POU2F2: variants seen among roughly 807,000 people sequenced by gnomAD.
POU2F2 encodes the protein POU domain, class 2, transcription factor 2.
In POU2F2, 14 loss-of-function variants were observed where a neutral mutation model predicts 63.5. The observed-to-expected ratio is 0.22, with a 90% CI of 0.15 to 0.34. The LOEUF (loss-of-function observed/expected upper bound fraction) is 0.34, where lower values mean the gene tolerates loss of function less well. Ranked by LOEUF, POU2F2 falls within the 10% of genes least tolerant of loss-of-function variation. POU2F2 has a pLI of 1.00. For synonymous variants in POU2F2, 306 were observed against 348.6 expected (o/e 0.88, Z 1.36); for missense variants, 607 against 815.2 (o/e 0.74, Z 3.11).
upstream of POU2F2, among the ~76,000 whole-genome samples, chr19:42,179,028 C>G (rs996412692): frequency 1.3e-5 from 2 of 151,378 alleles, no homozygotes; most frequent in Non-Finnish European, 2.9e-5. Flanking sequence ...CAGAGAGATG[C>G]GAGACAGAGA....
At chr19:42,177,829 G>GA (rs927352722), upstream of POU2F2, among the ~76,000 whole-genome samples, 1 of 151,888 alleles carries the variant, frequency 6.6e-6, no homozygotes, top group Non-Finnish European at 1.5e-5. Flanking sequence ...TAGAGACAGA[G>GA]AAAAAAGAGA....
At position 42,091,323 on chromosome 19, in the gene POU2F2, G is replaced by GC; in HGVS notation, c.1808dup (p.Cys603TrpfsTer22). 6.5e-7 allele frequency: 1 copy of GC among 1,535,154 alleles called. No homozygotes were observed. The highest frequency in any genetic ancestry group is 8.7e-7 in the Non-Finnish European group (1 of 1,146,800). ...CAGGGGTCTGTGCTGCCGTCTCGCT[G>GC]CAAGTGGAGGAGGAGGAGGATGAGG... On this transcript the variant is annotated frameshift_variant, in exon 15 of 15. Coordinates refer to ENST00000692977, the MANE Select transcript of POU2F2 (RefSeq NM_001394376.1). LOFTEE classifies it high-confidence loss of function.
At chr19:42,129,108 C>T (rs1283011551) in intron 1 of POU2F2, among the ~76,000 whole-genome samples, 1 of 152,112 alleles carries the variant, frequency 6.6e-6, no homozygotes, top group Non-Finnish European at 1.5e-5. Context: ...GCTGGGATTA[C>T]AGGCATGAGC....
At chr19:42,108,946 A>G (rs979156722) in intron 5 of POU2F2, among the ~76,000 whole-genome samples, 1 of 152,240 alleles carries the variant, frequency 6.6e-6, no homozygotes, top group Non-Finnish European at 1.5e-5. Context: ...TCACCCTCCC[A>G]GTGCAGGAGC....
chr19:42,128,109 C>G (rs1437427567), intron 1 of POU2F2, among the ~76,000 whole-genome samples: 1 of 152,110 alleles, frequency 6.6e-6, no homozygotes, highest in Admixed American at 6.5e-5. Flanking sequence ...TGTGCTCCAC[C>G]ACATCCTGAT....
upstream of POU2F2, among the ~76,000 whole-genome samples, chr19:42,177,542 C>T (rs764271358): frequency 8.6e-5 from 13 of 150,688 alleles, no homozygotes; most frequent in Admixed American, 5.3e-4. Flanking sequence ...GAGATGCAGA[C>T]ATATGCAGAA....
At chr19:42,142,517 T>C (rs1175570557) in intron 2 of POU2F2, among the ~76,000 whole-genome samples, 2 of 150,238 alleles carry the variant, frequency 1.3e-5, no homozygotes, top group Non-Finnish European at 3.0e-5. Flanking sequence ...AATGAGATTG[T>C]ACTTGTTTTT....
intron 12 of POU2F2, 142 bp downstream of exon 12, chr19:42,093,687 C>T: frequency 1.3e-6 from 1 of 775,576 alleles, no homozygotes; most frequent in Non-Finnish European, 2.1e-6. Context: ...ACCCTCTTCC[C>T]ACTGTCTCTC....
At chr19:42,122,665 T>C in intron 1 of POU2F2, 89 bp from the exon 2 acceptor site, 1 of 1,162,754 alleles carries the variant, frequency 8.6e-7, no homozygotes, top group Non-Finnish European at 1.2e-6. Context: ...CCCCAAGCCT[T>C]TCCCCCAAAT....
chr19:42,145,101 G>C (rs2034203987), intron 2 of POU2F2, among the ~76,000 whole-genome samples: 2 of 152,198 alleles, frequency 1.3e-5, no homozygotes, highest in South Asian at 4.1e-4. Context: ...CTTTATAGTT[G>C]AATGACACTG....
At chr19:42,133,739 A>G (rs1411011080), upstream of POU2F2, among the ~76,000 whole-genome samples, 1 of 151,142 alleles carries the variant, frequency 6.6e-6, no homozygotes, top group Non-Finnish European at 1.5e-5. The surrounding 1 kb of genome is among the most constrained non-coding windows in gnomAD (Gnocchi z 5.1). Flanking sequence ...TACCTCCTCT[A>G]CTCCCTCACA....
intron 5 of POU2F2, chr19:42,110,442 C>T (rs1281452901): frequency 1.3e-5 from 2 of 157,772 alleles, no homozygotes; most frequent in African/African-American, 2.4e-5. Flanking sequence ...CACCTGGCAA[C>T]AACACCAACA....
intron 2 of POU2F2, among the ~76,000 whole-genome samples, chr19:42,139,520 AC>A (rs1441750747): frequency 6.6e-6 from 1 of 151,722 alleles, no homozygotes; most frequent in African/African-American, 2.4e-5. Context: ...GCTCACTGCA[AC>A]CTCCACCTCC....
rs1229607018 is a variant in POU2F2 at position 42,096,316 on chromosome 19, C to T, written c.568-73G>A. ...GGGGCTCAGCGATGGGTGCACAGTC[C>T]CCCTCCCGCCCTCTTCGCCCCTGCG... On this transcript the variant is annotated intron_variant, in intron 7 of 14. Coordinates refer to ENST00000692977, the MANE Select transcript of POU2F2 (RefSeq NM_001394376.1). The surrounding 1 kb of genome is among the most constrained non-coding windows in gnomAD (Gnocchi z 4.1). The T allele has an allele frequency of 1.4e-5, 19 of 1,385,358 alleles. No individual in the cohort carries two copies. In the South Asian group the frequency reaches 2.3e-4, roughly 17 times the overall value. 85.8% of individuals were successfully genotyped at this position (1,385,358 alleles called of 1,614,324 possible).
chr19:42,150,261 T>C (rs1254190865), intron 2 of POU2F2, among the ~76,000 whole-genome samples: 8 of 150,890 alleles, frequency 5.3e-5, no homozygotes, highest in African/African-American at 2.0e-4. Flanking sequence ...AGGTTTGGGG[T>C]TAGGGAAGGG....
Position 42,091,152 on chromosome 19 carries a change from GC to G in POU2F2, c.*104del. ...TGGTCTTTCCTCCCTTGTCACTCCT[GC>G]TCTGAGGACCCTCTGCGTCCCCACC... On this transcript the variant is annotated 3_prime_UTR_variant, in exon 15 of 15. Coordinates refer to ENST00000692977, the MANE Select transcript of POU2F2 (RefSeq NM_001394376.1). The G allele has an allele frequency of 9.7e-7, 1 of 1,032,676 alleles. No homozygotes were observed. Among genetic ancestry groups the G allele is most frequent in the South Asian group, 1.9e-5 (1 of 52,738 alleles). The allele number at this position is 1,032,676 out of a possible 1,614,324, so 64.0% of individuals were successfully genotyped here. A position where few individuals can be genotyped will look rare whatever the true frequency, so the allele number is the denominator to read the frequency against.
rs1027148078 is a variant in POU2F2, at chr19:42,086,162, A to G, written c.*5095T>C. ...TTTTATTTTTTGATGTTTGTTGTTCAGATGAATGACACACTCAAGTTACAA... is the reference window on the plus strand; with the variant it reads ...TTTTATTTTTTGATGTTTGTTGTTCGGATGAATGACACACTCAAGTTACAA... On this transcript the variant is annotated 3_prime_UTR_variant, in exon 15 of 15. Coordinates refer to ENST00000692977, the MANE Select transcript of POU2F2 (RefSeq NM_001394376.1). The G allele has an allele frequency of 6.6e-6, 1 of 152,194 alleles. No individual in the cohort carries two copies. The highest frequency in any genetic ancestry group is 2.4e-5 in the African/African-American group (1 of 41,446). The allele number at this position is 152,194 out of a possible 1,614,324, so 9.4% of individuals were successfully genotyped here.
rs144022073 is a variant in POU2F2, at chr19:42,095,035, T to C, written c.1197+251A>G. On this transcript the variant is annotated intron_variant, in intron 11 of 14. Coordinates refer to ENST00000692977, the MANE Select transcript of POU2F2 (RefSeq NM_001394376.1). The surrounding 1 kb of genome is among the most constrained non-coding windows in gnomAD (Gnocchi z 7.1). ...GGACATATATCCCTTCCTGTGTGGC[T>C]ATGGCACTGTGATAACTCTGTGTCT... Among the ~76,000 whole-genome samples the C allele has an allele frequency of 9.0e-3, 1,365 of 152,352 alleles. 11 individuals are homozygous for C. The highest frequency in any genetic ancestry group is 0.014 in the Middle Eastern group (4 of 294).
chr19:42,167,607 G>A (rs2034678824), intron 1 of POU2F2, among the ~76,000 whole-genome samples: 1 of 152,230 alleles, frequency 6.6e-6, no homozygotes, highest in South Asian at 2.1e-4. Flanking sequence ...AAGAAGGCCA[G>A]AATGGCTTGA....
Sources: gnomAD v4.1 joint callset for allele counts (sites outside exome capture counted in the v4.1 genomes callset) on GRCh38, gnomAD v4.1.1 for gene constraint, Gnocchi (gnomAD v3.1) non-coding constraint, MANE v1.5 for transcripts, NCBI Gene and HGNC (gene_info 2026-07-23, HGNC 2026-07-21) for gene names.